Variants in NXPH1 observed in about 807,000 individuals in gnomAD.
NXPH1 encodes neurexophilin 1, also known as neurexophilin-1.
Under a neutral mutation model 23.7 loss-of-function variants are expected in NXPH1, and 5 were observed. The observed-to-expected ratio is 0.21, with a 90% CI of 0.11 to 0.44. The LOEUF (loss-of-function observed/expected upper bound fraction) is 0.44, where lower values mean the gene tolerates loss of function less well. Ranked by LOEUF, NXPH1 falls within the 20% of genes least tolerant of loss-of-function variation. NXPH1 has a pLI of 0.99. For missense variants in NXPH1, 324 were observed against 321.6 expected (o/e 1.01, Z -0.06); for synonymous variants, 144 against 122.2 (o/e 1.18, Z -1.18).
rs534851636 is a variant in NXPH1, at chr7:8,522,543, T to G, written c.54+86776T>G. On this transcript the variant is annotated intron_variant, in intron 2 of 2. Coordinates refer to ENST00000405863, the MANE Select transcript of NXPH1 (RefSeq NM_152745.3). ...TGAGAGACATGTTTATGAATTTGTA[T>G]CAGCTCTAGCACCGTTTTTTTAAAG... Among the ~76,000 whole-genome samples, 41 of 152,342 alleles carry G rather than the reference T, an allele frequency of 2.7e-4. 1 individual carries two copies. The South Asian group carries it at 8.3e-3, about 31-fold the overall frequency.
chr7:8,490,823 C>A (rs1386320109), intron 2 of NXPH1, among the ~76,000 whole-genome samples: 1 of 152,048 alleles, frequency 6.6e-6, no homozygotes, highest in Non-Finnish European at 1.5e-5. Context: ...ACAGCCCCAC[C>A]TTCCAGGTCT....
intron 2 of NXPH1, among the ~76,000 whole-genome samples, chr7:8,617,242 T>A (rs1583195916): frequency 6.6e-6 from 1 of 152,056 alleles, no homozygotes; most frequent in Non-Finnish European, 1.5e-5. Context: ...TCAAGAACTC[T>A]CTTCATGAGG....
chr7:8,712,766 T>C (rs1211908389), intron 2 of NXPH1, among the ~76,000 whole-genome samples: 1 of 152,218 alleles, frequency 6.6e-6, no homozygotes, highest in Non-Finnish European at 1.5e-5. Context: ...GCCTCCTTGC[T>C]CATGGTCACA....
intron 2 of NXPH1, among the ~76,000 whole-genome samples, chr7:8,629,143 AC>A (rs1316811723): frequency 6.6e-6 from 1 of 152,088 alleles, no homozygotes; most frequent in Admixed American, 6.6e-5. Flanking sequence ...TAGATTATTT[AC>A]CCCCATTGTT....
At chr7:8,449,904 A>G (rs958557340) in intron 2 of NXPH1, among the ~76,000 whole-genome samples, 2 of 152,184 alleles carry the variant, frequency 1.3e-5, no homozygotes, top group Non-Finnish European at 2.9e-5. Flanking sequence ...ATGGGGATAC[A>G]AAGTTAAGAA....
Position 8,654,306 on chromosome 7 carries a change from G to A in NXPH1, c.55-96702G>A, listed in dbSNP as rs75092627. Among the ~76,000 whole-genome samples the A allele has an allele frequency of 7.2e-3, 1,089 of 152,142 alleles. 6 individuals carry two copies. Among genetic ancestry groups the A allele is most frequent in the African/African-American group, 0.025 (1,041 of 41,518 alleles). ...TATTTATGTTTTTAGTTGACATTTA[G>A]GAAAGGTTTTCAGCTAGAGTTAAAA... On this transcript the variant is annotated intron_variant, in intron 2 of 2. Coordinates refer to ENST00000405863, the MANE Select transcript of NXPH1 (RefSeq NM_152745.3).
At chr7:8,560,097 T>C (rs967889097) in intron 2 of NXPH1, among the ~76,000 whole-genome samples, 1 of 151,696 alleles carries the variant, frequency 6.6e-6, no homozygotes, top group Non-Finnish European at 1.5e-5. Context: ...GAATTCTACT[T>C]GAAAGATTAA....
At chr7:8,701,385 A>G (rs886415748) in intron 2 of NXPH1, among the ~76,000 whole-genome samples, 6 of 151,946 alleles carry the variant, frequency 3.9e-5, no homozygotes, top group Non-Finnish European at 7.4e-5. Context: ...TTCTTTTTCT[A>G]GTCTCATCTC....
chr7:8,680,060 A>T (rs1323707411), intron 2 of NXPH1, among the ~76,000 whole-genome samples: 3 of 152,260 alleles, frequency 2.0e-5, no homozygotes, highest in African/African-American at 7.2e-5. Context: ...GTATGTTTTC[A>T]GACACGGAGT....
At chr7:8,668,551 A>G (rs534953596) in intron 2 of NXPH1, among the ~76,000 whole-genome samples, 11 of 152,042 alleles carry the variant, frequency 7.2e-5, no homozygotes, top group Non-Finnish European at 1.0e-4. Context: ...CTGTTGATTG[A>G]GTCCATGGGG....
chr7:8,719,344 G>T (rs1779928345), intron 2 of NXPH1, among the ~76,000 whole-genome samples: 1 of 152,120 alleles, frequency 6.6e-6, no homozygotes, highest in African/African-American at 2.4e-5. Context: ...GCCAGCAAAG[G>T]TGTCATTGAC....
At chr7:8,585,903 A>G (rs923446872) in intron 2 of NXPH1, among the ~76,000 whole-genome samples, 4 of 152,170 alleles carry the variant, frequency 2.6e-5, no homozygotes, top group African/African-American at 9.7e-5. Context: ...CTTGACCTGA[A>G]TAGGTGGGTT....
At chr7:8,607,791 G>C (rs879224469) in intron 2 of NXPH1, among the ~76,000 whole-genome samples, 1 of 152,180 alleles carries the variant, frequency 6.6e-6, no homozygotes, top group East Asian at 1.9e-4. Context: ...CTAACATCTG[G>C]TTCCTGTGAA....
chr7:8,680,645 A>G (rs900172280), intron 2 of NXPH1, among the ~76,000 whole-genome samples: 1 of 152,240 alleles, frequency 6.6e-6, no homozygotes. Flanking sequence ...TACAATGCCA[A>G]GACACTTGTG....
chr7:8,443,424 A>G (rs1259022252), intron 2 of NXPH1, among the ~76,000 whole-genome samples: 1 of 152,272 alleles, frequency 6.6e-6, no homozygotes, highest in Non-Finnish European at 1.5e-5. Context: ...CTCAACTGAC[A>G]GACAAGGAAA....
intron 2 of NXPH1, among the ~76,000 whole-genome samples, chr7:8,465,647 A>T (rs992991424): frequency 6.6e-6 from 1 of 152,218 alleles, no homozygotes; most frequent in Non-Finnish European, 1.5e-5. Context: ...AACAACATCC[A>T]TTCTGCTGCT....
chr7:8,527,836 A>G (rs528329262), intron 2 of NXPH1, among the ~76,000 whole-genome samples: 7 of 152,324 alleles, frequency 4.6e-5, no homozygotes, highest in South Asian at 4.1e-4. Flanking sequence ...AACTTGATAC[A>G]CTTTTTAGTG....
At chr7:8,459,193 T>C (rs1403743520) in intron 2 of NXPH1, among the ~76,000 whole-genome samples, 2 of 152,042 alleles carry the variant, frequency 1.3e-5, no homozygotes, top group Non-Finnish European at 2.9e-5. Context: ...GTATTTTGCA[T>C]GGAAAGTGGT....
intron 2 of NXPH1, among the ~76,000 whole-genome samples, chr7:8,691,081 C>A (rs1177876458): frequency 6.6e-6 from 1 of 152,114 alleles, no homozygotes; most frequent in Admixed American, 6.6e-5. Context: ...AGTGTTTTTC[C>A]AACCCTTTTG....
Sources: gnomAD v4.1 joint callset for allele counts (sites outside exome capture counted in the v4.1 genomes callset) on GRCh38, gnomAD v4.1.1 for gene constraint, MANE v1.5 for transcripts, NCBI Gene and HGNC (gene_info 2026-07-23, HGNC 2026-07-21) for gene names.